The following SYNJ2 variants were observed in gnomAD, a reference collection of about 807,000 sequenced individuals.
The protein encoded by SYNJ2 is synaptojanin 2.
A neutral mutation model predicts 141.3 loss-of-function variants in SYNJ2; 116 were observed. The ratio of observed to expected loss-of-function variants is 0.82; its 90% CI spans 0.71 to 0.96. The LOEUF is 0.96. Ranked by LOEUF, SYNJ2 falls within the 40% of genes least tolerant of loss-of-function variation. The pLI, the probability that SYNJ2 is intolerant of heterozygous loss-of-function variation, is 0.00. For missense variants in SYNJ2, 1,873 were observed against 1,934.8 expected (o/e 0.97, Z 0.60); for synonymous variants, 745 against 777.7 (o/e 0.96, Z 0.70).
intron 4 of SYNJ2, among the ~76,000 whole-genome samples, chr6:158,037,199 C>T (rs199953706): frequency 8.5e-5 from 13 of 152,140 alleles, no homozygotes; most frequent in East Asian, 1.9e-4. Flanking sequence ...CAGGTGTCGG[C>T]AGGACTGCTG....
intron 2 of SYNJ2, 177 bp downstream of exon 2, chr6:158,017,467 T>C: frequency 1.1e-6 from 1 of 886,316 alleles, no homozygotes; most frequent in Non-Finnish European, 1.6e-6. Context: ...CAGGCTGCAG[T>C]GCAATGGCGC....
At chr6:158,051,337 A>G (rs1780553219) in intron 5 of SYNJ2, among the ~76,000 whole-genome samples, 1 of 151,886 alleles carries the variant, frequency 6.6e-6, no homozygotes, top group East Asian at 1.9e-4. Context: ...GTGACCTCTC[A>G]TAGGGTGGCT....
chr6:158,024,270 C>G (rs547714415), intron 2 of SYNJ2, among the ~76,000 whole-genome samples: 62 of 152,188 alleles, frequency 4.1e-4, no homozygotes, highest in Admixed American at 1.4e-3. Context: ...ACTAAAAATA[C>G]AAAAATTAGC....
At chr6:158,092,612 AAAATTGGCTGGGCGT>A (rs1783535093) in intron 25 of SYNJ2, among the ~76,000 whole-genome samples, 1 of 152,112 alleles carries the variant, frequency 6.6e-6, no homozygotes. Context: ...AAAAATTTTA[AAAATTGGCTGGGCGT>A]GGCAGTGCTC....
chr6:158,074,195 C>T (rs1207333758), intron 15 of SYNJ2, among the ~76,000 whole-genome samples: 3 of 152,146 alleles, frequency 2.0e-5, no homozygotes, highest in Non-Finnish European at 4.4e-5. Context: ...TTCTGCTGCT[C>T]TTTTGAAACC....
chr6:158,054,088 C>CCCATCCATTCACCCATTCATCTAT (rs1780728257), intron 5 of SYNJ2, among the ~76,000 whole-genome samples: 1 of 150,662 alleles, frequency 6.6e-6, no homozygotes, highest in Non-Finnish European at 1.5e-5. Flanking sequence ...CAGCCATCCA[C>CCCATCCATTCACCCATTCATCTAT]CCATCCATTC....
At chr6:158,068,242 G>A (rs1439478265) in intron 12 of SYNJ2, among the ~76,000 whole-genome samples, 2 of 151,580 alleles carry the variant, frequency 1.3e-5, no homozygotes, top group Non-Finnish European at 2.9e-5. Context: ...CTGGCCTCTC[G>A]CTGACAGAGG....
At chr6:157,981,753 G>A (rs1166490482), upstream of SYNJ2, 3 of 364,730 alleles carry the variant, frequency 8.2e-6, no homozygotes, top group African/African-American at 4.3e-5. This position sits in a 1 kb window ranked among gnomAD's most constrained non-coding sequence, Gnocchi z 6.4. Context: ...CGGGCGGGAG[G>A]CGGCGGCGCG....
At chr6:158,054,710 T>G (rs1054210816) in intron 5 of SYNJ2, among the ~76,000 whole-genome samples, 13 of 152,184 alleles carry the variant, frequency 8.5e-5, no homozygotes, top group African/African-American at 3.1e-4. Context: ...TGTGGAAGAA[T>G]TGCAGCAGAC....
At chr6:158,068,279 G>C (rs1781689988) in intron 12 of SYNJ2, among the ~76,000 whole-genome samples, 1 of 152,172 alleles carries the variant, frequency 6.6e-6, no homozygotes, top group African/African-American at 2.4e-5. Context: ...GGACCCTGGG[G>C]AGGTGGGCCT....
At chr6:158,032,266 G>T (rs1005757712) in intron 3 of SYNJ2, among the ~76,000 whole-genome samples, 2 of 152,150 alleles carry the variant, frequency 1.3e-5, no homozygotes, top group Admixed American at 1.3e-4. Context: ...GAAGCCCCCT[G>T]GGACCCATCA....
intron 5 of SYNJ2, among the ~76,000 whole-genome samples, chr6:158,052,349 G>A (rs573689535): frequency 3.9e-5 from 6 of 152,292 alleles, no homozygotes; most frequent in East Asian, 3.9e-4. Flanking sequence ...TTTTTGAACC[G>A]TTTGAAAGTA....
chr6:158,021,979 G>A (rs571993601), intron 2 of SYNJ2, among the ~76,000 whole-genome samples: 31 of 152,308 alleles, frequency 2.0e-4, no homozygotes, highest in African/African-American at 7.5e-4. Flanking sequence ...ATCTGCACCA[G>A]GGGTGCTCAC....
chr6:157,998,877 A>G (rs568074385), intron 1 of SYNJ2, among the ~76,000 whole-genome samples: 1 of 152,338 alleles, frequency 6.6e-6, no homozygotes, highest in African/African-American at 2.4e-5. Flanking sequence ...ATCTGGAGAG[A>G]GAACGTTTGC....
chr6:157,982,164 C>T lies in SYNJ2; in HGVS notation c.127+76C>T. The T allele has an allele frequency of 1.6e-6, 2 of 1,253,528 alleles. No homozygotes were observed. Among genetic ancestry groups the T allele is most frequent in the Non-Finnish European group, 2.0e-6 (2 of 998,206 alleles). 77.7% of individuals were successfully genotyped at this position (1,253,528 alleles called of 1,614,324 possible). A position where few individuals can be genotyped will look rare whatever the true frequency, so the allele number is the denominator to read the frequency against. On this transcript the variant is annotated intron_variant, in intron 1 of 26. Coordinates refer to ENST00000355585, the MANE Select transcript of SYNJ2 (RefSeq NM_003898.4). This position sits in a 1 kb window ranked among gnomAD's most constrained non-coding sequence, Gnocchi z 4.0. ...CGCCCAGCCTCGGGAAGACGGGTACCCCCCCTTCCCGAGGGGATCGGGCGG... is the reference window on the plus strand; with the variant it reads ...CGCCCAGCCTCGGGAAGACGGGTACTCCCCCTTCCCGAGGGGATCGGGCGG...
chr6:158,047,454 T>G (rs755234293), intron 5 of SYNJ2, among the ~76,000 whole-genome samples: 1 of 152,080 alleles, frequency 6.6e-6, no homozygotes, highest in African/African-American at 2.4e-5. Context: ...ATCTACCTTA[T>G]AGGGTTCTAG....
At chr6:158,042,818 G>A (rs1257528509) in intron 4 of SYNJ2, among the ~76,000 whole-genome samples, 2 of 152,236 alleles carry the variant, frequency 1.3e-5, no homozygotes, top group Non-Finnish European at 2.9e-5. Context: ...GTCTTGCATT[G>A]TCAAGTACGA....
chr6:158,094,408 A>C lies in SYNJ2; in HGVS notation c.3745-1210A>C, dbSNP rs988840419. On this transcript the variant is annotated intron_variant, in intron 26 of 26. Transcript: ENST00000355585. ...CTACGGCTGGGCAAAAAAAAAAAAA[A>C]AAAAAAAAAACACCCATCCAACACA... Among the ~76,000 whole-genome samples, 534 of 151,574 alleles carry C rather than the reference A, an allele frequency of 3.5e-3. 4 individuals are homozygous for C. Among genetic ancestry groups the C allele is most frequent in the African/African-American group, 0.012 (509 of 41,336 alleles).
chr6:158,032,901 T>C (rs192673068), intron 3 of SYNJ2, among the ~76,000 whole-genome samples: 2 of 152,362 alleles, frequency 1.3e-5, no homozygotes, highest in African/African-American at 4.8e-5. Flanking sequence ...TCCTCGGATC[T>C]TTTTAAAATT....
Sources: allele counts gnomAD v4.1 joint callset (sites outside exome capture counted in the v4.1 genomes callset), GRCh38; gene constraint gnomAD v4.1.1; non-coding constraint Gnocchi (gnomAD v3.1); transcripts MANE v1.5; gene names NCBI Gene and HGNC (gene_info 2026-07-23, HGNC 2026-07-21).